Variants in MYO1D observed in about 807,000 individuals in gnomAD.
MYO1D encodes myosin ID, also known as unconventional myosin-Id.
MYO1D carries 83 observed loss-of-function variants against 122.0 expected under a neutral mutation model. The ratio of observed to expected loss-of-function variants is 0.68; its 90% confidence interval spans 0.57 to 0.82. The LOEUF (loss-of-function observed/expected upper bound fraction) is 0.82, where lower values mean the gene tolerates loss of function less well. Ranked by LOEUF, MYO1D falls within the 40% of genes least tolerant of loss-of-function variation. The pLI, the probability that MYO1D is intolerant of heterozygous loss-of-function variation, is 0.00. For missense variants in MYO1D, 1,157 were observed against 1,269.5 expected (o/e 0.91, Z 1.35); for synonymous variants, 464 against 446.9 (o/e 1.04, Z -0.48).
At chr17:32,778,820 T>C (rs2090206404) in intron 2 of MYO1D, among the ~76,000 whole-genome samples, 2 of 152,116 alleles carry the variant, frequency 1.3e-5, no homozygotes, top group East Asian at 1.9e-4. Context: ...AGACTACAAA[T>C]AAAGATTTAC....
intron 21 of MYO1D, among the ~76,000 whole-genome samples, chr17:32,539,629 TGA>T (rs935033913): frequency 1.3e-5 from 2 of 152,176 alleles, no homozygotes; most frequent in Non-Finnish European, 2.9e-5. Context: ...GCCTTCTCTG[TGA>T]GTGTTAAATC....
At position 32,494,538 on chromosome 17, in the gene MYO1D, A is replaced by G; in HGVS notation, c.*221T>C. The G allele has an allele frequency of 3.3e-6, 2 of 602,338 alleles. No homozygotes were observed. Among genetic ancestry groups the G allele is most frequent in the Non-Finnish European group, 5.7e-6 (2 of 351,512 alleles). 37.3% of individuals were successfully genotyped at this position (602,338 alleles called of 1,614,324 possible). Reference sequence around the variant, plus strand: ...GTCAGCCCAGGGGTCTGGGCGGGGCACCAGGGTCTTTGGCTTATTGAACAG... The same window carrying G: ...GTCAGCCCAGGGGTCTGGGCGGGGCGCCAGGGTCTTTGGCTTATTGAACAG... On this transcript the variant is annotated 3_prime_UTR_variant, in exon 22 of 22. Coordinates refer to ENST00000318217, the MANE Select transcript of MYO1D (RefSeq NM_015194.3).
intron 17 of MYO1D, among the ~76,000 whole-genome samples, chr17:32,657,698 C>G (rs190127829): frequency 1.3e-5 from 2 of 152,358 alleles, no homozygotes; most frequent in East Asian, 3.9e-4. Flanking sequence ...TGTTTGTCAC[C>G]ATATCCCTGA....
chr17:32,639,837 G>T (rs1055778092), intron 19 of MYO1D, among the ~76,000 whole-genome samples: 2 of 152,150 alleles, frequency 1.3e-5, no homozygotes, highest in Admixed American at 1.3e-4. Context: ...AACTAGAAAA[G>T]AAGGCATAGT....
chr17:32,610,562 T>G (rs1009908464), intron 20 of MYO1D, among the ~76,000 whole-genome samples: 1 of 152,116 alleles, frequency 6.6e-6, no homozygotes, highest in Admixed American at 6.5e-5. Flanking sequence ...CTCATTTAAT[T>G]TATTGGGGCA....
chr17:32,539,190 C>T (rs1194729522), intron 21 of MYO1D, among the ~76,000 whole-genome samples: 1 of 151,254 alleles, frequency 6.6e-6, no homozygotes. Flanking sequence ...GCCTGTAATG[C>T]CAGCACTTTG....
chr17:32,597,581 A>C (rs2087509515), intron 21 of MYO1D, among the ~76,000 whole-genome samples: 2 of 152,124 alleles, frequency 1.3e-5, no homozygotes, highest in South Asian at 4.1e-4. Flanking sequence ...ATAGATACGG[A>C]TATCTTCCGG....
intron 3 of MYO1D, among the ~76,000 whole-genome samples, chr17:32,777,861 G>A (rs2090193053): frequency 6.6e-6 from 1 of 152,170 alleles, no homozygotes; most frequent in Admixed American, 6.5e-5. Context: ...ATGAACCCGG[G>A]AGGCGGAGCT....
At chr17:32,670,986 G>A (rs553090518) in intron 16 of MYO1D, among the ~76,000 whole-genome samples, 2 of 152,356 alleles carry the variant, frequency 1.3e-5, no homozygotes, top group East Asian at 3.9e-4. Flanking sequence ...ATGGAGAGCA[G>A]CCACCCCATA....
chr17:32,709,136 C>T (rs9911168), intron 16 of MYO1D, among the ~76,000 whole-genome samples: 28,834 of 152,060 alleles, frequency 0.19, 2,893 homozygotes, highest in Middle Eastern at 0.3. Flanking sequence ...AGGAATCTAC[C>T]GGGCACCATG....
intron 21 of MYO1D, among the ~76,000 whole-genome samples, chr17:32,579,395 T>C (rs1371205108): frequency 6.6e-6 from 1 of 152,226 alleles, no homozygotes; most frequent in Non-Finnish European, 1.5e-5. Flanking sequence ...AGTTCCTTTA[T>C]GTATTTGTTC....
intron 16 of MYO1D, 199 bp from the exon 17 acceptor site, chr17:32,659,537 C>A: frequency 1.7e-6 from 1 of 595,524 alleles, no homozygotes; most frequent in South Asian, 2.0e-5. Flanking sequence ...CATTTTGTTT[C>A]AGCTGTCTAG....
chr17:32,874,501 T>C (rs1296243916), intron 1 of MYO1D, among the ~76,000 whole-genome samples: 2 of 152,180 alleles, frequency 1.3e-5, no homozygotes, highest in Non-Finnish European at 2.9e-5. Flanking sequence ...TTTAAATCAA[T>C]AGAAAATTCC....
intron 19 of MYO1D, among the ~76,000 whole-genome samples, chr17:32,643,514 C>G (rs542807195): frequency 2.0e-4 from 30 of 152,236 alleles, no homozygotes; most frequent in African/African-American, 6.3e-4. Context: ...GTTCCTCCTT[C>G]TACCTCTGGT....
intron 1 of MYO1D, among the ~76,000 whole-genome samples, chr17:32,809,495 G>A (rs2090550648): frequency 6.7e-6 from 1 of 149,528 alleles, no homozygotes; most frequent in Non-Finnish European, 1.5e-5. Flanking sequence ...CTGGAGGGCA[G>A]TGGCGTGTTC....
chr17:32,851,043 A>G (rs1482684900), intron 1 of MYO1D, among the ~76,000 whole-genome samples: 2 of 152,144 alleles, frequency 1.3e-5, no homozygotes, highest in Non-Finnish European at 2.9e-5. Flanking sequence ...GACCAATTGG[A>G]AACTCTATAA....
At chr17:32,721,909 G>GA (rs1366781530) in intron 14 of MYO1D, among the ~76,000 whole-genome samples, 1 of 152,156 alleles carries the variant, frequency 6.6e-6, no homozygotes, top group African/African-American at 2.4e-5. Flanking sequence ...ATCACTGGAT[G>GA]AATCAATGAG....
At chr17:32,553,423 T>C (rs1033736885) in intron 21 of MYO1D, among the ~76,000 whole-genome samples, 14 of 152,068 alleles carry the variant, frequency 9.2e-5, no homozygotes, top group African/African-American at 3.1e-4. Flanking sequence ...GGGGAGAGTA[T>C]TGTGGGTGGA....
chr17:32,607,003 T>C (rs1238445762), intron 20 of MYO1D, among the ~76,000 whole-genome samples: 2 of 151,790 alleles, frequency 1.3e-5, no homozygotes, highest in Non-Finnish European at 2.9e-5. Context: ...CTACTAAAAA[T>C]ACAAAAATTA....
Sources: allele counts gnomAD v4.1 joint callset (sites outside exome capture counted in the v4.1 genomes callset), GRCh38; gene constraint gnomAD v4.1.1; transcripts MANE v1.5; gene names NCBI Gene and HGNC (gene_info 2026-07-23, HGNC 2026-07-21).